AGO2: variants seen among roughly 807,000 people sequenced by gnomAD.
AGO2 encodes the protein protein argonaute-2.
In AGO2, 5 loss-of-function variants were observed where a neutral mutation model predicts 102.3. The ratio of observed to expected loss-of-function variants is 0.05; its 90% CI spans 0.03 to 0.10. AGO2 has a LOEUF of 0.10. Ranked by LOEUF, AGO2 falls within the 10% of genes least tolerant of loss-of-function variation. The probability of loss-of-function intolerance (pLI) is 1.00; values close to 1 mark genes in which losing one functional copy is unlikely to be tolerated. For synonymous variants in AGO2, 449 were observed against 473.1 expected, an observed-to-expected ratio of 0.95 and a Z score of 0.66; for missense variants, 541 against 1,183.7, an observed-to-expected ratio of 0.46 and a Z score of 7.97.
rs2072777120 is a variant in AGO2, at chr8:140,540,453, G to A, written c.2034+711C>T. Among the ~76,000 whole-genome samples the A allele has an allele frequency of 6.6e-6, 1 of 152,222 alleles. No homozygotes were observed. Among genetic ancestry groups the A allele is most frequent in the Admixed American group, 6.5e-5 (1 of 15,294 alleles). On this transcript the variant is annotated intron_variant, in intron 15 of 18. Coordinates refer to ENST00000220592, the MANE Select transcript of AGO2 (RefSeq NM_012154.5). This position sits in a 1 kb window ranked among gnomAD's most constrained non-coding sequence, Gnocchi z 5.0. The stretch of plus-strand genomic sequence containing the variant: ...CGTGTGGCATGGCGAGGGGTGGGGA[G>A]GAATCGGCTCTAGCCAACGGGAGAA...
At chr8:140,551,264 G>C in intron 11 of AGO2, 39 bp downstream of exon 11, 1 of 1,457,892 alleles carries the variant, frequency 6.9e-7, no homozygotes, top group Non-Finnish European at 9.1e-7. Context: ...CCATCGGGCA[G>C]CACCCCCAGG....
upstream of AGO2, among the ~76,000 whole-genome samples, chr8:140,640,490 C>A (rs2074433969): frequency 6.6e-6 from 1 of 151,994 alleles, no homozygotes; most frequent in East Asian, 1.9e-4. Context: ...GGTGCCCTTG[C>A]CTTCCTTTGC....
chr8:140,616,214 C>A (rs2074141288), intron 1 of AGO2, among the ~76,000 whole-genome samples: 1 of 152,196 alleles, frequency 6.6e-6, no homozygotes, highest in African/African-American at 2.4e-5. Flanking sequence ...CAGGCAGCAC[C>A]AGCACAAACT....
Position 140,557,322 on chromosome 8 carries a change from G to A in AGO2, c.879-86C>T. The A allele has an allele frequency of 6.7e-7, 1 of 1,493,706 alleles. No homozygotes were observed. The highest frequency in any genetic ancestry group is 9.0e-7 in the Non-Finnish European group (1 of 1,114,374). The allele number at this position is 1,493,706 out of a possible 1,614,324, so 92.5% of individuals were successfully genotyped here. On this transcript the variant is annotated intron_variant, in intron 7 of 18. Coordinates refer to ENST00000220592, the MANE Select transcript of AGO2 (RefSeq NM_012154.5). The surrounding 1 kb of genome is among the most constrained non-coding windows in gnomAD (Gnocchi z 5.9). ...TTTTCATTTGCGTTTGCTTTTTAGG[G>A]TGACGTGTGAGGAGCAAACATTCAG...
intron 1 of AGO2, among the ~76,000 whole-genome samples, chr8:140,616,177 G>A (rs1683298205): frequency 6.6e-6 from 1 of 152,086 alleles, no homozygotes; most frequent in Non-Finnish European, 1.5e-5. Flanking sequence ...AACCCTAACC[G>A]CCATCCCATC....
chr8:140,573,623 G>A (rs191902530), intron 2 of AGO2, among the ~76,000 whole-genome samples: 21 of 152,332 alleles, frequency 1.4e-4, no homozygotes, highest in South Asian at 2.1e-4. Flanking sequence ...CCTGATACGC[G>A]CTGGGCACTT....
chr8:140,541,363 AG>A lies in AGO2; in HGVS notation c.1840-6del. On this transcript the variant is annotated splice_region_variant and splice_polypyrimidine_tract_variant and intron_variant, in intron 14 of 18. Coordinates refer to ENST00000220592, the MANE Select transcript of AGO2 (RefSeq NM_012154.5). Reference sequence around the variant, plus strand: ...GGCGTCCATGCTGCCCACCACCTGCAGGAACAGGCAGTGAGTGTGGTCAGGG... The same window carrying A: ...GGCGTCCATGCTGCCCACCACCTGCAGAACAGGCAGTGAGTGTGGTCAGGG... The A allele has an allele frequency of 6.3e-7, 1 of 1,596,048 alleles. No individual in the cohort carries two copies. The highest frequency in any genetic ancestry group is 8.5e-7 in the Non-Finnish European group (1 of 1,172,736).
At chr8:140,604,286 T>C (rs561745514) in intron 1 of AGO2, among the ~76,000 whole-genome samples, 4 of 152,368 alleles carry the variant, frequency 2.6e-5, no homozygotes, top group African/African-American at 9.6e-5. Context: ...TTCATCTAGC[T>C]GGGAGTTCAT....
chr8:140,628,023 T>G (rs2074297295), intron 1 of AGO2, among the ~76,000 whole-genome samples: 1 of 152,078 alleles, frequency 6.6e-6, no homozygotes, highest in African/African-American at 2.4e-5. Context: ...TTCTACCTCC[T>G]CTCCCCACCC....
intron 1 of AGO2, among the ~76,000 whole-genome samples, chr8:140,615,432 T>G (rs539218117): frequency 1.1e-4 from 16 of 152,316 alleles, no homozygotes; most frequent in African/African-American, 3.8e-4. Context: ...GCCCTTCTCA[T>G]GCCACAGTGG....
chr8:140,541,546 C>A, intron 14 of AGO2, 188 bp from the exon 15 acceptor site: 1 of 550,674 alleles, frequency 1.8e-6, no homozygotes, highest in Non-Finnish European at 3.2e-6. Context: ...CAATAGTGTT[C>A]GTAAATACGT....
At chr8:140,583,324 C>A (rs2073586420) in intron 2 of AGO2, among the ~76,000 whole-genome samples, 1 of 152,228 alleles carries the variant, frequency 6.6e-6, no homozygotes. Context: ...TTAGCCTCTA[C>A]AATCATGTGA....
intron 2 of AGO2, among the ~76,000 whole-genome samples, chr8:140,574,031 T>C (rs139698346): frequency 4.6e-4 from 70 of 152,304 alleles, no homozygotes; most frequent in African/African-American, 1.6e-3. Context: ...ACTGGGGTTT[T>C]GGTGTTGGGG....
At position 140,629,875 on chromosome 8, in the gene AGO2, G is replaced by A. The variant is rs371148981; in HGVS notation, c.22+5610C>T. ...AAAGAGGAGAGGGGAGGGGAGGGGA[G>A]CAGGGGGAAGAGGAGGGGAGGGGAG... On this transcript the variant is annotated intron_variant, in intron 1 of 18. Coordinates refer to ENST00000220592, the MANE Select transcript of AGO2 (RefSeq NM_012154.5). Among the ~76,000 whole-genome samples, 14 of 140,648 alleles carry A rather than the reference G, an allele frequency of 1.0e-4. No homozygotes were observed. The East Asian group carries it at 2.2e-3, about 23-fold the overall frequency. The allele number at this position is 140,648 out of a possible 152,430, so 92.3% of individuals were successfully genotyped here. A position where few individuals can be genotyped will look rare whatever the true frequency, so the allele number is the denominator to read the frequency against.
upstream of AGO2, chr8:140,636,575 T>C (rs549502459): frequency 2.6e-5 from 4 of 152,394 alleles, no homozygotes; most frequent in African/African-American, 9.6e-5. Context: ...TGTCTGCATA[T>C]GGGTGCAAGG....
chr8:140,574,137 C>G (rs1309273314), intron 2 of AGO2, among the ~76,000 whole-genome samples: 2 of 150,846 alleles, frequency 1.3e-5, no homozygotes, highest in African/African-American at 2.4e-5. Context: ...CCTCCACCCC[C>G]CAACCCCCAC....
At chr8:140,622,165 G>C (rs184911635) in intron 1 of AGO2, among the ~76,000 whole-genome samples, 203 of 152,350 alleles carry the variant, frequency 1.3e-3, no homozygotes, top group Non-Finnish European at 2.5e-3. Flanking sequence ...TTCATCTATA[G>C]AACATACTCG....
rs998426208 is a variant in AGO2, at chr8:140,522,323, T to A, written c.*9721A>T. The A allele has an allele frequency of 1.3e-5, 2 of 152,142 alleles. No homozygotes were observed. Among genetic ancestry groups the A allele is most frequent in the Non-Finnish European group, 2.9e-5 (2 of 68,024 alleles). The allele number at this position is 152,142 out of a possible 1,614,324, so 9.4% of individuals were successfully genotyped here. On this transcript the variant is annotated 3_prime_UTR_variant, in exon 19 of 19. Coordinates refer to ENST00000220592, the MANE Select transcript of AGO2 (RefSeq NM_012154.5). ...CACCCAACTGTTTAACTGAGGTAGA[T>A]CCACATTGTAAAGAAAGCTGGGTCC...
chr8:140,560,572 C>A, intron 4 of AGO2, 62 bp from the exon 5 acceptor site: 1 of 1,566,520 alleles, frequency 6.4e-7, no homozygotes, highest in South Asian at 1.1e-5. Flanking sequence ...GAACAGCTGC[C>A]TCTGGGTGGG....
Sources: gnomAD v4.1 joint callset for allele counts (sites outside exome capture counted in the v4.1 genomes callset) on GRCh38, gnomAD v4.1.1 for gene constraint, Gnocchi (gnomAD v3.1) non-coding constraint, MANE v1.5 for transcripts, NCBI Gene and HGNC (gene_info 2026-07-23, HGNC 2026-07-21) for gene names.